The following PCDH11X variants were observed in gnomAD, a reference collection of about 807,000 sequenced individuals.
PCDH11X encodes the protein protocadherin 11 X-linked.
A neutral mutation model predicts 53.3 loss-of-function variants in PCDH11X; 18 were observed. The observed-to-expected ratio is 0.34, with a 90% CI of 0.23 to 0.50. The LOEUF is 0.50. Ranked by LOEUF, PCDH11X falls within the 20% of genes least tolerant of loss-of-function variation. The pLI is 0.98. For missense variants in PCDH11X, 570 were observed against 1,032.4 expected, an observed-to-expected ratio of 0.55 and a Z score of 6.14; for synonymous variants, 279 against 393.3, an observed-to-expected ratio of 0.71 and a Z score of 3.44.
chrX:92,316,245 C>G (rs1014070993), intron 8 of PCDH11X, among the ~76,000 whole-genome samples: 2 of 109,548 alleles, frequency 1.8e-5, no homozygotes, highest in African/African-American at 6.7e-5. Context: ...AATGTTTTGC[C>G]TAGAATTTGC....
intron 10 of PCDH11X, among the ~76,000 whole-genome samples, chrX:92,521,544 T>C (rs2074370487): frequency 8.9e-6 from 1 of 112,314 alleles, no homozygotes; most frequent in Non-Finnish European, 1.9e-5. Context: ...TTAAGTGCCC[T>C]AGGTTTTGCA....
At chrX:92,465,076 AT>A (rs2073131569) in intron 9 of PCDH11X, among the ~76,000 whole-genome samples, 1 of 110,591 alleles carries the variant, frequency 9.0e-6, no homozygotes, top group African/African-American at 3.3e-5. Context: ...GAGCCCAGGA[AT>A]TTGGGGTTGT....
At chrX:92,251,383 G>A (rs1455903617) in intron 7 of PCDH11X, among the ~76,000 whole-genome samples, 2 of 110,540 alleles carry the variant, frequency 1.8e-5, no homozygotes, top group Non-Finnish European at 3.8e-5. Flanking sequence ...TTTGTGCCAG[G>A]TACTTTTATA....
Position 91,820,815 on chromosome X carries a change from T to G in PCDH11X, c.-45+9520T>G, listed in dbSNP as rs1407625529. ...GTTTTTATGGTTTTAGGTCTAACGT[T>G]TAAGTCTTTAATCCATCTTGAATTG... is the stretch of plus-strand genomic sequence containing the variant. On this transcript the variant is annotated intron_variant, in intron 4 of 10. Transcript: ENST00000682573. 3.0e-4 allele frequency among the ~76,000 whole-genome samples: 31 copies of G among 101,831 alleles called. 5 individuals are homozygous for G. Among genetic ancestry groups the G allele is most frequent in the African/African-American group, 1.3e-3 (29 of 21,865 alleles). 88.4% of individuals were successfully genotyped at this position (101,831 alleles called of 115,157 possible).
chrX:92,046,280 T>C (rs756902800), intron 6 of PCDH11X, among the ~76,000 whole-genome samples: 1 of 112,060 alleles, frequency 8.9e-6, no homozygotes, highest in Admixed American at 9.5e-5. Context: ...ACATTCTCTA[T>C]GTTAGTGTCT....
intron 9 of PCDH11X, among the ~76,000 whole-genome samples, chrX:92,428,315 G>A (rs141770046): frequency 9.0e-6 from 1 of 111,437 alleles, no homozygotes; most frequent in Non-Finnish European, 1.9e-5. Context: ...CTTGCTGTGT[G>A]TTATTCTCTC....
chrX:92,388,278 A>G (rs2071054162), intron 9 of PCDH11X, among the ~76,000 whole-genome samples: 1 of 111,302 alleles, frequency 9.0e-6, no homozygotes, highest in Non-Finnish European at 1.9e-5. Context: ...TTTCTTATAT[A>G]TAAAAATTAT....
chrX:91,816,627 A>G (rs1259159405), intron 4 of PCDH11X, among the ~76,000 whole-genome samples: 1 of 111,291 alleles, frequency 9.0e-6, no homozygotes, highest in Non-Finnish European at 1.9e-5. Flanking sequence ...TCTGCACAAA[A>G]GTAGAAATAT....
chrX:92,079,202 A>G (rs35214153), intron 6 of PCDH11X, among the ~76,000 whole-genome samples: 1 of 111,968 alleles, frequency 8.9e-6, no homozygotes, highest in Admixed American at 9.5e-5. Context: ...GTGCTTCACA[A>G]ATAGAGTTGA....
chrX:92,209,149 T>C (rs1304604761), intron 7 of PCDH11X, among the ~76,000 whole-genome samples: 1 of 111,061 alleles, frequency 9.0e-6, no homozygotes, highest in African/African-American at 3.3e-5. Flanking sequence ...CACCAACCCC[T>C]CCCAAATCTC....
intron 10 of PCDH11X, among the ~76,000 whole-genome samples, chrX:92,561,200 G>T (rs1296031153): frequency 9.4e-6 from 1 of 106,341 alleles, no homozygotes; most frequent in South Asian, 4.5e-4. Flanking sequence ...ATCCCAGGCT[G>T]TGAAAACTAC....
At chrX:92,256,644 G>A (rs367662389) in intron 7 of PCDH11X, among the ~76,000 whole-genome samples, 6 of 111,188 alleles carry the variant, frequency 5.4e-5, no homozygotes, top group African/African-American at 2.0e-4. Flanking sequence ...TTGCTGCACA[G>A]ATCATCTCAT....
chrX:92,155,771 G>C (rs35638094), intron 6 of PCDH11X, among the ~76,000 whole-genome samples: 2 of 109,038 alleles, frequency 1.8e-5, no homozygotes, highest in Non-Finnish European at 3.8e-5. Context: ...GGACTACAGG[G>C]GCCCGCCACC....
Position 92,145,341 on chromosome X carries a change from A to T in PCDH11X, c.3034-56034A>T, listed in dbSNP as rs777839721. ...GCTTTTATTTATTTTCTTTTTTATGATTTATTTTGCTTTGTATGGTCTGTG... is the reference window on the plus strand; with the variant it reads ...GCTTTTATTTATTTTCTTTTTTATGTTTTATTTTGCTTTGTATGGTCTGTG... On this transcript the variant is annotated intron_variant, in intron 6 of 10. Coordinates refer to ENST00000682573, the MANE Select transcript of PCDH11X (RefSeq NM_032968.5). Among the ~76,000 whole-genome samples the T allele has an allele frequency of 1.3e-4, 14 of 110,638 alleles. 1 individual carries two copies. The South Asian group carries it at 5.3e-3, about 42-fold the overall frequency.
intron 7 of PCDH11X, among the ~76,000 whole-genome samples, chrX:92,204,534 C>G (rs2066443624): frequency 8.9e-6 from 1 of 112,109 alleles, no homozygotes; most frequent in Non-Finnish European, 1.9e-5. Context: ...ACTTCATTGT[C>G]CATGTCACTA....
chrX:92,086,168 A>T (rs190714148), intron 6 of PCDH11X, among the ~76,000 whole-genome samples: 488 of 111,543 alleles, frequency 4.4e-3, no homozygotes, highest in African/African-American at 0.016. Context: ...TACCAAACTT[A>T]GTAAGGAAGA....
chrX:92,069,541 T>G (rs1325476295), intron 6 of PCDH11X, among the ~76,000 whole-genome samples: 1 of 111,581 alleles, frequency 9.0e-6, no homozygotes, highest in African/African-American at 3.3e-5. Flanking sequence ...TTGCAGTCTT[T>G]TTTTCTGCCT....
chrX:91,952,053 G>C (rs2061646625), intron 6 of PCDH11X, among the ~76,000 whole-genome samples: 1 of 110,248 alleles, frequency 9.1e-6, no homozygotes, highest in Non-Finnish European at 1.9e-5. Flanking sequence ...ACTCCCCTAA[G>C]TATCCCGAAA....
Position 92,148,173 on chromosome X carries a change from C to CTTCT in PCDH11X, c.3034-53169_3034-53166dup, listed in dbSNP as rs1260262520. Among the ~76,000 whole-genome samples, 59 of 8,388 alleles carry CTTCT rather than the reference C, an allele frequency of 7.0e-3. 6 individuals are homozygous for CTTCT. The highest frequency in any genetic ancestry group is 0.012 in the Admixed American group (5 of 414). 7.3% of individuals were successfully genotyped at this position (8,388 alleles called of 115,157 possible). On this transcript the variant is annotated intron_variant, in intron 6 of 10. Transcript: ENST00000682573. ...CCTTCCTTCCTTCCTTCCTTCCTTC[C>CTTCT]TTCTTTCTTTCTTTCTTTCTTTCTT...
Sources: allele counts gnomAD v4.1 joint callset (sites outside exome capture counted in the v4.1 genomes callset), GRCh38; gene constraint gnomAD v4.1.1; transcripts MANE v1.5; gene names NCBI Gene and HGNC (gene_info 2026-07-23, HGNC 2026-07-21).